Variants in EDN1 observed in about 807,000 individuals in gnomAD.
The protein encoded by EDN1 is endothelin-1.
A neutral mutation model predicts 21.7 loss-of-function variants in EDN1; 11 were observed. The ratio of observed to expected loss-of-function variants is 0.51; its 90% confidence interval spans 0.32 to 0.84. EDN1 has a LOEUF of 0.84. EDN1 is among the 40% of genes least tolerant of loss of function. The pLI, the probability that EDN1 is intolerant of heterozygous loss-of-function variation, is 0.03. For missense variants in EDN1, 244 were observed against 262.3 expected (o/e 0.93, Z 0.48); for synonymous variants, 85 against 90.6 (o/e 0.94, Z 0.35).
At chr6:12,292,637 G>A (rs530390185) in intron 2 of EDN1, 128 bp downstream of exon 2, 7 of 1,113,374 alleles carry the variant, frequency 6.3e-6, no homozygotes, top group East Asian at 4.8e-5. Flanking sequence ...GTGCCTCAGT[G>A]GGGACAGTTT....
chr6:12,264,428 C>A, the EDN1 span, among the ~76,000 whole-genome samples: 1 of 152,002 alleles, frequency 6.6e-6, no homozygotes, highest in Non-Finnish European at 1.5e-5. Context: ...ATAATAGGAG[C>A]AGATATATAA....
chr6:12,239,142 C>T, the EDN1 span, among the ~76,000 whole-genome samples: 1 of 152,080 alleles, frequency 6.6e-6, no homozygotes, highest in Non-Finnish European at 1.5e-5. Context: ...AATTCTGGGC[C>T]CAGAGTTGTC....
At chr6:12,268,297 T>C in the EDN1 span, among the ~76,000 whole-genome samples, 1 of 152,224 alleles carries the variant, frequency 6.6e-6, no homozygotes, top group Non-Finnish European at 1.5e-5. Context: ...GAAAGCCTTC[T>C]GGAAAGGATT....
the EDN1 span, among the ~76,000 whole-genome samples, chr6:12,280,829 G>T: frequency 3.3e-5 from 5 of 152,236 alleles, no homozygotes; most frequent in South Asian, 2.1e-4. Context: ...GGAGGCAGAG[G>T]TTGCAGTGAG....
the EDN1 span, among the ~76,000 whole-genome samples, chr6:12,258,448 T>TAAAAAAAAAAAAAAAAAAAAAA: frequency 3.6e-5 from 1 of 27,744 alleles, no homozygotes; most frequent in African/African-American, 6.8e-5. Context: ...AGATCATGTC[T>TAAAAAAAAAAAAAAAAAAAAAA]CAAAAAAAAA....
At chr6:12,281,688 CTAAAT>C in the EDN1 span, among the ~76,000 whole-genome samples, 2 of 152,136 alleles carry the variant, frequency 1.3e-5, no homozygotes, top group African/African-American at 4.8e-5. Context: ...GGAGTTCTGG[CTAAAT>C]TAAAGATTGT....
At chr6:12,272,624 A>ATT in the EDN1 span, among the ~76,000 whole-genome samples, 1,095 of 143,814 alleles carry the variant, frequency 7.6e-3, 10 homozygotes, top group South Asian at 0.017. Context: ...TGCCCAGCTA[A>ATT]TTTTTTTTTT....
the EDN1 span, among the ~76,000 whole-genome samples, chr6:12,243,323 G>A: frequency 6.7e-6 from 1 of 149,156 alleles, no homozygotes; most frequent in Non-Finnish European, 1.5e-5. Context: ...GGAGGAGGAG[G>A]AGAGGAGGAG....
chr6:12,267,989 T>C, the EDN1 span, among the ~76,000 whole-genome samples: 771 of 152,320 alleles, frequency 5.1e-3, 8 homozygotes, highest in African/African-American at 0.018. Flanking sequence ...TGGATGACAG[T>C]ACATCTATTT....
At chr6:12,245,721 C>G in the EDN1 span, among the ~76,000 whole-genome samples, 1 of 152,168 alleles carries the variant, frequency 6.6e-6, no homozygotes, top group Non-Finnish European at 1.5e-5. Flanking sequence ...CCCTTTGGAA[C>G]CAGATAGTAA....
chr6:12,285,945 T>A (rs909390431), upstream of EDN1, among the ~76,000 whole-genome samples: 1 of 152,232 alleles, frequency 6.6e-6, no homozygotes, highest in Non-Finnish European at 1.5e-5. Context: ...GTAGTTTTTT[T>A]AACCATACCA....
chr6:12,280,033 A>G, the EDN1 span, among the ~76,000 whole-genome samples: 1 of 152,188 alleles, frequency 6.6e-6, no homozygotes, highest in African/African-American at 2.4e-5. Flanking sequence ...GTTTTATTAG[A>G]GTTGCTTTTT....
At chr6:12,276,912 G>A in the EDN1 span, among the ~76,000 whole-genome samples, 1 of 152,176 alleles carries the variant, frequency 6.6e-6, no homozygotes, top group African/African-American at 2.4e-5. Flanking sequence ...ATATAAATCT[G>A]TTAACATTTT....
At chr6:12,272,976 C>T in the EDN1 span, among the ~76,000 whole-genome samples, 6 of 152,316 alleles carry the variant, frequency 3.9e-5, no homozygotes, top group East Asian at 7.7e-4. Flanking sequence ...GAACTGCTGT[C>T]ACTGATCTAA....
the EDN1 span, among the ~76,000 whole-genome samples, chr6:12,258,472 G>C: frequency 3.5e-5 from 2 of 56,604 alleles, no homozygotes; most frequent in African/African-American, 1.6e-4. Context: ...AAAAAAAAAA[G>C]CCAATTACAT....
chr6:12,269,222 G>T, the EDN1 span, among the ~76,000 whole-genome samples: 47 of 152,174 alleles, frequency 3.1e-4, no homozygotes, highest in Non-Finnish European at 5.7e-4. Flanking sequence ...AGTTCTAAAA[G>T]TTTTTTGGAT....
chr6:12,254,262 C>T, the EDN1 span, among the ~76,000 whole-genome samples: 1 of 152,150 alleles, frequency 6.6e-6, no homozygotes, highest in Non-Finnish European at 1.5e-5. Context: ...GCTTTCTCAC[C>T]TTGAGGGTGT....
chr6:12,252,492 T>A, the EDN1 span, among the ~76,000 whole-genome samples: 1 of 152,236 alleles, frequency 6.6e-6, no homozygotes, highest in Admixed American at 6.5e-5. Flanking sequence ...GAAGTAGGGT[T>A]CTGCAGCTTG....
the EDN1 span, among the ~76,000 whole-genome samples, chr6:12,254,876 A>G: frequency 3.9e-5 from 6 of 152,182 alleles, no homozygotes; most frequent in Non-Finnish European, 8.8e-5. Flanking sequence ...AATTTTTAAA[A>G]TGGCAAATTT....
Sources: gnomAD v4.1 joint callset for allele counts (sites outside exome capture counted in the v4.1 genomes callset) on GRCh38, gnomAD v4.1.1 for gene constraint, MANE v1.5 for transcripts, NCBI Gene and HGNC (gene_info 2026-07-23, HGNC 2026-07-21) for gene names.